The following RBBP6 variants were observed in gnomAD, a reference collection of about 807,000 sequenced individuals.
RBBP6 encodes the protein RB binding protein 6, ubiquitin ligase.
Under a neutral mutation model 167.7 loss-of-function variants are expected in RBBP6, and 25 were observed. The ratio of observed to expected loss-of-function variants is 0.15; its 90% confidence interval spans 0.11 to 0.21. RBBP6 has a LOEUF of 0.21. Among genes scored for constraint, RBBP6 ranks in the 10% least tolerant of loss-of-function variants. The pLI is 1.00. For missense variants in RBBP6, 1,868 were observed against 2,134.2 expected (o/e 0.88, Z 2.46); for synonymous variants, 789 against 735.8 (o/e 1.07, Z -1.17).
intron 4 of RBBP6, chr16:24,555,389 G>T: frequency 2.3e-6 from 1 of 442,596 alleles, no homozygotes; most frequent in Non-Finnish European, 4.0e-6. Flanking sequence ...CAGGGTCTAA[G>T]GTTTGAGTGC....
In RBBP6 at chr16:24,571,401, A is replaced by G. The variant is rs1299895853; in HGVS notation, c.4335A>G (p.Gln1445=). ...NEQGNFKSLS[Q]SSKEARTSDK... Reference sequence around the variant, plus strand: ...AAGGAAATTTTAAAAGTCTGTCTCAATCTTCCAAAGAGGCTAGAACGTCAG... The same window carrying G: ...AAGGAAATTTTAAAAGTCTGTCTCAGTCTTCCAAAGAGGCTAGAACGTCAG... Residue 1445 remains glutamine (Q), a synonymous_variant, in exon 18 of 18, where the codon CAA becomes CAG. Coordinates refer to ENST00000319715, the MANE Select transcript of RBBP6 (RefSeq NM_006910.5). The G allele has an allele frequency of 8.1e-6, 13 of 1,613,836 alleles. No homozygotes were observed. The highest frequency in any genetic ancestry group is 1.6e-4 in the Middle Eastern group (1 of 6,084).
intron 3 of RBBP6, chr16:24,552,937 T>C (rs72785707): frequency 0.031 from 4,639 of 152,044 alleles, 116 homozygotes; most frequent in Non-Finnish European, 0.043. Context: ...TTTTTTTGAC[T>C]TAACATCTTT....
At chr16:24,556,525 A>G in intron 7 of RBBP6, 78 bp downstream of exon 7, 1 of 1,418,246 alleles carries the variant, frequency 7.1e-7, no homozygotes, top group Non-Finnish European at 9.4e-7. Context: ...TGGGCTTGTA[A>G]CTTTGCTACT....
intron 7 of RBBP6, among the ~76,000 whole-genome samples, chr16:24,557,041 T>C (rs9931525): frequency 0.27 from 39,270 of 147,298 alleles, 5,343 homozygotes; most frequent in Admixed American, 0.33. Flanking sequence ...CTCTGTCCCT[T>C]AGGCTGAAGT....
intron 17 of RBBP6, 88 bp from the exon 18 acceptor site, chr16:24,570,788 G>T (rs1899307549): frequency 9.0e-7 from 1 of 1,114,686 alleles, no homozygotes. Context: ...GGACATTTGT[G>T]TTTAAGTTAG....
chr16:24,567,589 G>T, intron 15 of RBBP6, 84 bp downstream of exon 15: 1 of 1,440,448 alleles, frequency 6.9e-7, no homozygotes, highest in Non-Finnish European at 9.3e-7. Flanking sequence ...ACGTTTTCCA[G>T]TGTTTCCAGT....
intron 13 of RBBP6, 47 bp downstream of exon 13, chr16:24,563,711 G>C: frequency 6.4e-7 from 1 of 1,574,108 alleles, no homozygotes; most frequent in Non-Finnish European, 8.7e-7. Context: ...CTGCAAACTA[G>C]ATAATGGAAG....
intron 1 of RBBP6, 98 bp downstream of exon 1, chr16:24,540,890 G>GGACT: frequency 7.0e-7 from 1 of 1,422,020 alleles, no homozygotes; most frequent in Non-Finnish European, 9.5e-7. Context: ...TCTCTAGTGG[G>GGACT]GACTGTTCGT....
rs1898894195 is a variant in RBBP6 at position 24,555,602 on chromosome 16, A to G, written c.349-13A>G. ...TTTCTAATGTGTGTGTCAAATAATTACCTGTTAAACAGACTGCCAATCTGG... is the reference window on the plus strand; with the variant it reads ...TTTCTAATGTGTGTGTCAAATAATTGCCTGTTAAACAGACTGCCAATCTGG... On this transcript the variant is annotated splice_polypyrimidine_tract_variant and intron_variant, in intron 4 of 17. Coordinates refer to ENST00000319715, the MANE Select transcript of RBBP6 (RefSeq NM_006910.5). The G allele has an allele frequency of 1.9e-6, 3 of 1,592,426 alleles. No homozygotes were observed. The highest frequency in any genetic ancestry group is 8.6e-7 in the Non-Finnish European group (1 of 1,169,552).
intron 14 of RBBP6, among the ~76,000 whole-genome samples, chr16:24,565,170 G>T (rs1219430770): frequency 6.6e-6 from 1 of 152,100 alleles, no homozygotes; most frequent in African/African-American, 2.4e-5. Flanking sequence ...GAAAGTCAGG[G>T]GTCAGACAAT....
chr16:24,559,120 A>C (rs988943415), intron 7 of RBBP6, among the ~76,000 whole-genome samples: 1 of 152,084 alleles, frequency 6.6e-6, no homozygotes, highest in Non-Finnish European at 1.5e-5. Context: ...TATTTTTTTC[A>C]AGAAACTTGA....
rs1345588617 is a variant in RBBP6, at chr16:24,572,236, C to G, written c.5170C>G (p.Gln1724Glu). Residue 1724 changes from glutamine to glutamate, a missense_variant, in exon 18 of 18, where the codon CAG (glutamine) becomes GAG (glutamate). Physicochemically the swap from Gln to Glu is conservative, Grantham distance 29 (BLOSUM62 2). Coordinates refer to ENST00000319715, the MANE Select transcript of RBBP6 (RefSeq NM_006910.5). ...TAGCAGTGCCAGCTCAGCAGAAAGTCAGGACAGCAAGAAGAAGAAGAAAAA... is the reference window on the plus strand; with the variant it reads ...TAGCAGTGCCAGCTCAGCAGAAAGTGAGGACAGCAAGAAGAAGAAGAAAAA... ...HSSSASSAES[Q>E]DSKKKKKKKE... The G allele has an allele frequency of 2.5e-6, 4 of 1,613,334 alleles. No homozygotes were observed. The highest frequency in any genetic ancestry group is 8.5e-7 in the Non-Finnish European group (1 of 1,179,900).
At position 24,563,265 on chromosome 16, in the gene RBBP6, A is replaced by G. The variant is rs371808614; in HGVS notation, c.1356A>G (p.Ser452=). Residue 452 remains serine (S), a synonymous_variant, in exon 11 of 18, where the codon TCA becomes TCG. Transcript: ENST00000319715. ...LASEHSKGTS[S]IAITALMEEK... is the part of the protein sequence containing the mutation. ...CAGAGCACTCAAAGGGAACCTCCTC[A>G]ATTGCAATTACCGCTCTTATGGAAG... is the stretch of plus-strand genomic sequence containing the variant. 5 of 1,611,090 alleles carry G rather than the reference A, an allele frequency of 3.1e-6. No individual in the cohort carries two copies. The African/African-American group carries it at 6.7e-5, about 22-fold the overall frequency.
Position 24,572,718 on chromosome 16 carries a change from G to A in RBBP6, c.*273G>A, listed in dbSNP as rs1899370993. 2 of 291,590 alleles carry A rather than the reference G, an allele frequency of 6.9e-6. No individual in the cohort carries two copies. Among genetic ancestry groups the A allele is most frequent in the Non-Finnish European group, 1.2e-5 (2 of 161,718 alleles). The allele number at this position is 291,590 out of a possible 1,614,324, so 18.1% of individuals were successfully genotyped here. A position where few individuals can be genotyped will look rare whatever the true frequency, so the allele number is the denominator to read the frequency against. On this transcript the variant is annotated 3_prime_UTR_variant, in exon 18 of 18. Transcript: ENST00000319715. ...TAGTTGGGGTGGAGTTTACTGTAAT[G>A]TGAAATTTTCACATTTGAATTTTTT...
At position 24,540,811 on chromosome 16, in the gene RBBP6, T is replaced by C. The variant is rs939757772; in HGVS notation, c.166+19T>C. 1 of 1,602,138 alleles carries C rather than the reference T, an allele frequency of 6.2e-7. No homozygotes were observed. Among genetic ancestry groups the C allele is most frequent in the East Asian group, 2.2e-5 (1 of 44,770 alleles). On this transcript the variant is annotated intron_variant, in intron 1 of 17. Transcript: ENST00000319715. Reference sequence around the variant, plus strand: ...AAAGAAGGTAAGGGCCGCTTGGTCTTAAGATATTTGGTGGCTGGAGAGAGA... The same window carrying C: ...AAAGAAGGTAAGGGCCGCTTGGTCTCAAGATATTTGGTGGCTGGAGAGAGA...
intron 7 of RBBP6, 130 bp downstream of exon 7, chr16:24,556,577 T>C (rs183746354): frequency 6.7e-6 from 7 of 1,043,082 alleles, no homozygotes; most frequent in East Asian, 5.4e-5. Context: ...CATTAGTCTC[T>C]ACATCTTGCA....
intron 8 of RBBP6, 64 bp downstream of exon 8, chr16:24,559,741 C>A: frequency 7.5e-7 from 1 of 1,327,502 alleles, no homozygotes; most frequent in African/African-American, 1.5e-5. Flanking sequence ...TGGAATGGCT[C>A]TTCCCAACCT....
At chr16:24,544,320 A>G (rs1216184934) in intron 1 of RBBP6, among the ~76,000 whole-genome samples, 2 of 152,190 alleles carry the variant, frequency 1.3e-5, no homozygotes, top group Non-Finnish European at 2.9e-5. Flanking sequence ...ACTGTCCAAG[A>G]TAAAGATTAT....
At chr16:24,550,633 C>T (rs1898775154) in intron 3 of RBBP6, among the ~76,000 whole-genome samples, 1 of 151,542 alleles carries the variant, frequency 6.6e-6, no homozygotes. Flanking sequence ...ATCACATGTT[C>T]ATAAATAAAG....
Sources: gnomAD v4.1 joint callset for allele counts (sites outside exome capture counted in the v4.1 genomes callset) on GRCh38, gnomAD v4.1.1 for gene constraint, MANE v1.5 for transcripts, NCBI Gene and HGNC (gene_info 2026-07-23, HGNC 2026-07-21) for gene names.